Variants in USP1 observed in about 807,000 individuals in gnomAD.
USP1 encodes the protein ubiquitin specific peptidase 1, also known as ubiquitin carboxyl-terminal hydrolase 1.
USP1 carries 18 observed loss-of-function variants against 72.2 expected under a neutral mutation model. The observed-to-expected ratio is 0.25, with a 90% CI of 0.17 to 0.37. USP1 has a LOEUF of 0.37. Among genes scored for constraint, USP1 ranks in the 10% least tolerant of loss-of-function variants. The pLI, the probability that USP1 is intolerant of heterozygous loss-of-function variation, is 1.00. For synonymous variants in USP1, 354 were observed against 303.7 expected (o/e 1.17, Z -1.72); for missense variants, 759 against 884.9 (o/e 0.86, Z 1.81).
At chr1:62,440,866 G>T (rs638305) in intron 2 of USP1, among the ~76,000 whole-genome samples, 63,825 of 151,930 alleles carry the variant, frequency 0.42, 15,173 homozygotes, top group African/African-American at 0.65. Flanking sequence ...AAGCATTTGT[G>T]TTTTGAGATG....
Position 62,451,016 on chromosome 1 carries a change from C to T in USP1, c.*35C>T, listed in dbSNP as rs1284928816. 1 of 1,511,966 alleles carries T rather than the reference C, an allele frequency of 6.6e-7. No homozygotes were observed. Among genetic ancestry groups the T allele is most frequent in the Non-Finnish European group, 8.8e-7 (1 of 1,137,658 alleles). 93.7% of individuals were successfully genotyped at this position (1,511,966 alleles called of 1,614,324 possible). On this transcript the variant is annotated 3_prime_UTR_variant, in exon 9 of 9. Transcript: ENST00000339950. ...ATTTTCCTTGTGTATATATTAAACACACCCATACAAACATTGGTAAAGTTG... is the reference window on the plus strand; with the variant it reads ...ATTTTCCTTGTGTATATATTAAACATACCCATACAAACATTGGTAAAGTTG...
intron 6 of USP1, 62 bp from the exon 7 acceptor site, chr1:62,447,279 T>C (rs1472400917): frequency 6.8e-7 from 1 of 1,464,892 alleles, no homozygotes; most frequent in Non-Finnish European, 9.2e-7. Context: ...GGAAAATTGG[T>C]TATTTGGACT....
intron 1 of USP1, among the ~76,000 whole-genome samples, chr1:62,437,822 C>G (rs1249201093): frequency 2.0e-5 from 3 of 152,208 alleles, no homozygotes; most frequent in Non-Finnish European, 4.4e-5. Context: ...TTCACTTACA[C>G]TTTTTCAAGA....
At chr1:62,437,524 G>T (rs1349542138) in intron 1 of USP1, 124 bp downstream of exon 1, 1 of 210,428 alleles carries the variant, frequency 4.8e-6, no homozygotes, top group East Asian at 9.3e-5. Flanking sequence ...CGACCTGCCA[G>T]GGGGAGCCGT....
chr1:62,441,378 T>G, intron 2 of USP1, 110 bp from the exon 3 acceptor site: 1 of 1,272,826 alleles, frequency 7.9e-7, no homozygotes, highest in Non-Finnish European at 1.0e-6. Context: ...AAGATTCACA[T>G]ACTTTTCAGA....
At chr1:62,444,264 A>G (rs1645154049) in intron 5 of USP1, among the ~76,000 whole-genome samples, 1 of 134,606 alleles carries the variant, frequency 7.4e-6, no homozygotes, top group African/African-American at 2.9e-5. Flanking sequence ...TGTCTCCAAA[A>G]AAAAAAAAAA....
intron 4 of USP1, 61 bp downstream of exon 4, chr1:62,442,360 C>G: frequency 7.8e-7 from 1 of 1,275,410 alleles, no homozygotes; most frequent in South Asian, 1.4e-5. Flanking sequence ...TGGAAATTTA[C>G]TTGCCTGGAA....
At chr1:62,448,790 C>A in intron 8 of USP1, 124 bp downstream of exon 8, 1 of 1,027,554 alleles carries the variant, frequency 9.7e-7, no homozygotes, top group Non-Finnish European at 1.4e-6. Context: ...AAGATTGCTT[C>A]AGTAAAGTTT....
intron 2 of USP1, among the ~76,000 whole-genome samples, chr1:62,440,868 T>C (rs1169311825): frequency 3.9e-5 from 6 of 152,152 alleles, no homozygotes; most frequent in South Asian, 2.1e-4. Context: ...GCATTTGTGT[T>C]TTGAGATGGG....
chr1:62,450,483 A>C lies in USP1; in HGVS notation c.1860A>C (p.Glu620Asp), dbSNP rs768939909. Residue 620 changes from glutamate (E) to aspartate (D), a missense_variant, in exon 9 of 9, where the codon GAA becomes GAC. Coordinates refer to ENST00000339950, the MANE Select transcript of USP1 (RefSeq NM_003368.5). ...ATTTTGTGGTTGACCAAATGTGTGA[A>C]ATAGGTAAGCCAGAACCATTGAATG... ...KGNFVVDQMC[E>D]IGKPEPLNEE... 5.6e-6 allele frequency: 9 copies of C among 1,614,150 alleles called. No individual in the cohort carries two copies. In the South Asian group the frequency reaches 7.7e-5, roughly 14 times the overall value.
chr1:62,444,232 C>T (rs1219056241), intron 5 of USP1, among the ~76,000 whole-genome samples: 1 of 134,906 alleles, frequency 7.4e-6, no homozygotes, highest in Admixed American at 8.3e-5. Flanking sequence ...GCAGTCCAGT[C>T]TGGGCAACAG....
chr1:62,443,254 C>T lies in USP1; in HGVS notation c.492C>T (p.Leu164=). The T allele has an allele frequency of 1.2e-6, 2 of 1,614,056 alleles. No individual in the cohort carries two copies. Among genetic ancestry groups the T allele is most frequent in the South Asian group, 1.1e-5 (1 of 91,064 alleles). The part of the protein sequence containing the change: ...ISVEQLQASF[L]LNPEKYTDEL... ...TTGAACAGCTCCAGGCTAGTTTTCT[C>T]TTAAATCCAGAGAAATATACTGATG... Residue 164 remains leucine (L), a synonymous_variant, in exon 5 of 9, where the codon CTC becomes CTT. Transcript: ENST00000339950.
At chr1:62,441,702 C>A in intron 3 of USP1, 94 bp downstream of exon 3, 2 of 1,377,926 alleles carry the variant, frequency 1.5e-6, no homozygotes, top group Non-Finnish European at 9.7e-7. Context: ...CTTTAATGTC[C>A]ATACTGTCTT....
intron 1 of USP1, among the ~76,000 whole-genome samples, chr1:62,439,037 T>C (rs1008560180): frequency 2.0e-5 from 3 of 152,224 alleles, no homozygotes; most frequent in African/African-American, 7.2e-5. Context: ...CATATATCCA[T>C]GTTAATAACT....
At chr1:62,449,254 A>G (rs537085813) in intron 8 of USP1, among the ~76,000 whole-genome samples, 1 of 152,328 alleles carries the variant, frequency 6.6e-6, no homozygotes, top group Non-Finnish European at 1.5e-5. Context: ...AGAACTGACT[A>G]AAGCAGGGAA....
chr1:62,450,448 G>T lies in USP1; in HGVS notation c.1825G>T (p.Asp609Tyr). The part of the protein sequence containing the change: ...KVTDLNSLEL[D>Y]KGNFVVDQMC... ...CACTGACCTTAACAGTTTAGAACTA[G>T]ATAAAGGAAATTTTGTGGTTGACCA... Residue 609 changes from aspartate (D) to tyrosine (Y), a missense_variant, in exon 9 of 9, where the codon GAT becomes TAT. Physicochemically the swap from Asp to Tyr is radical, Grantham distance 160 (BLOSUM62 -3). Around this residue, in one of 9 missense-constraint regions of USP1, gnomAD observed 140 missense variants for 222.8 expected, o/e 0.63. Transcript: ENST00000339950. The T allele has an allele frequency of 6.2e-7, 1 of 1,614,136 alleles. No homozygotes were observed. The highest frequency in any genetic ancestry group is 8.5e-7 in the Non-Finnish European group (1 of 1,180,020).
chr1:62,450,801 T>C lies in USP1; in HGVS notation c.2178T>C (p.Ile726=). The change falls in exon 9 of 9, where the codon ATT becomes ATC. Residue 726 remains isoleucine, a synonymous_variant. Transcript: ENST00000339950. Reference sequence around the variant, plus strand: ...CCAGTGACCAAACAGGCATTAATATTAGTGGATTTGAGAACAAAATTTCAT... The same window carrying C: ...CCAGTGACCAAACAGGCATTAATATCAGTGGATTTGAGAACAAAATTTCAT... ...KESSDQTGIN[I]SGFENKISYV... The C allele has an allele frequency of 6.2e-7, 1 of 1,613,974 alleles. No individual in the cohort carries two copies. Among genetic ancestry groups the C allele is most frequent in the Non-Finnish European group, 8.5e-7 (1 of 1,179,954 alleles).
At chr1:62,449,131 G>C (rs1005890315) in intron 8 of USP1, among the ~76,000 whole-genome samples, 5 of 152,100 alleles carry the variant, frequency 3.3e-5, no homozygotes, top group Admixed American at 2.6e-4. Context: ...CAATCCACCT[G>C]CCTTAGCCTC....
Position 62,446,806 on chromosome 1 carries a change from T to A in USP1, c.1250-535T>A, listed in dbSNP as rs1645178133. On this transcript the variant is annotated intron_variant, in intron 6 of 8. Transcript: ENST00000339950. Reference sequence around the variant, plus strand: ...AGTTACAATACAACTGACTTTTTTTTATTTTTTATTTTTTTTATTTTTTTG... The same window carrying A: ...AGTTACAATACAACTGACTTTTTTTAATTTTTTATTTTTTTTATTTTTTTG... Among the ~76,000 whole-genome samples, 5 of 152,106 alleles carry A rather than the reference T, an allele frequency of 3.3e-5. No individual in the cohort carries two copies. In the South Asian group the frequency reaches 8.3e-4, roughly 25 times the overall value.
Sources: allele counts gnomAD v4.1 joint callset (sites outside exome capture counted in the v4.1 genomes callset), GRCh38; gene constraint gnomAD v4.1.1; regional missense constraint gnomAD v4.1.1; transcripts MANE v1.5; gene names NCBI Gene and HGNC (gene_info 2026-07-23, HGNC 2026-07-21).